Variants in ACACB observed in about 807,000 individuals in gnomAD.
ACACB encodes the protein acetyl-CoA carboxylase beta.
ACACB carries 209 observed loss-of-function variants against 278.8 expected under a neutral mutation model. The observed-to-expected ratio is 0.75, with a 90% CI of 0.67 to 0.84. The LOEUF (loss-of-function observed/expected upper bound fraction) is 0.84, where lower values mean the gene tolerates loss of function less well. Among genes scored for constraint, ACACB ranks in the 40% least tolerant of loss-of-function variants. ACACB has a pLI of 0.00. For synonymous variants in ACACB, 1,174 were observed against 1,285.6 expected, an observed-to-expected ratio of 0.91 and a Z score of 1.86; for missense variants, 2,850 against 3,269.0, an observed-to-expected ratio of 0.87 and a Z score of 3.13.
chr12:109,216,568 G>T, intron 22 of ACACB, 50 bp from the exon 23 acceptor site: 1 of 1,534,952 alleles, frequency 6.5e-7, no homozygotes, highest in East Asian at 2.3e-5. Context: ...AAATATTCAG[G>T]TACTCAAGGA....
intron 31 of ACACB, 28 bp from the exon 32 acceptor site, chr12:109,235,285 T>G (rs1222115703): frequency 1.2e-6 from 2 of 1,602,020 alleles, no homozygotes; most frequent in Non-Finnish European, 1.7e-6. Context: ...CAAATAATAT[T>G]CCATTGTGTC....
chr12:109,187,521 C>CGTA (rs1243776169), intron 12 of ACACB, among the ~76,000 whole-genome samples: 1 of 151,638 alleles, frequency 6.6e-6, no homozygotes, highest in East Asian at 1.9e-4. Flanking sequence ...AGTGCAGTGG[C>CGTA]GTAGTCATGC....
intron 12 of ACACB, among the ~76,000 whole-genome samples, chr12:109,186,524 C>T (rs1398811574): frequency 2.0e-5 from 3 of 152,048 alleles, no homozygotes; most frequent in African/African-American, 7.2e-5. Flanking sequence ...GTAGAGAGTC[C>T]CTTTGTGACT....
intron 22 of ACACB, 146 bp downstream of exon 22, chr12:109,213,082 A>G: frequency 1.6e-6 from 1 of 632,136 alleles, no homozygotes; most frequent in Non-Finnish European, 2.8e-6. Flanking sequence ...TACTAACAGC[A>G]GAACCCTGGG....
At chr12:109,190,035 TG>T (rs1372429822) in intron 13 of ACACB, among the ~76,000 whole-genome samples, 4 of 152,036 alleles carry the variant, frequency 2.6e-5, no homozygotes, top group African/African-American at 9.7e-5. Flanking sequence ...TGCTTGAACC[TG>T]GGAGATGGAG....
intron 1 of ACACB, among the ~76,000 whole-genome samples, chr12:109,121,495 C>A (rs1016623355): frequency 6.6e-6 from 1 of 152,132 alleles, no homozygotes; most frequent in African/African-American, 2.4e-5. Context: ...ATAACTACAA[C>A]CTATGATGAG....
At chr12:109,146,081 C>A (rs1404655001) in intron 2 of ACACB, among the ~76,000 whole-genome samples, 5 of 152,152 alleles carry the variant, frequency 3.3e-5, no homozygotes, top group Admixed American at 2.0e-4. Context: ...ATCTTCTAAC[C>A]GTTTGAGGTC....
intron 31 of ACACB, 107 bp from the exon 32 acceptor site, chr12:109,235,206 C>T: frequency 1.1e-6 from 1 of 922,644 alleles, no homozygotes; most frequent in Non-Finnish European, 1.8e-6. Context: ...TGACATCTTC[C>T]ACTTAGCATA....
intron 1 of ACACB, among the ~76,000 whole-genome samples, 200 bp from the exon 2 acceptor site, chr12:109,139,197 A>G (rs1312181746): frequency 6.6e-6 from 1 of 152,152 alleles, no homozygotes; most frequent in Non-Finnish European, 1.5e-5. Context: ...GAACCTTGGC[A>G]GGAAACTAAG....
intron 21 of ACACB, 23 bp downstream of exon 21, chr12:109,209,376 C>G: frequency 6.3e-7 from 1 of 1,593,764 alleles, no homozygotes; most frequent in East Asian, 2.2e-5. Context: ...CTGCCCAGCC[C>G]CACCCCACCA....
At chr12:109,174,720 A>AG (rs2044228956) in intron 7 of ACACB, among the ~76,000 whole-genome samples, 2 of 151,446 alleles carry the variant, frequency 1.3e-5, no homozygotes, top group African/African-American at 4.9e-5. Context: ...AAAAAAAAAA[A>AG]TTAACTGGTT....
At chr12:109,157,741 G>A (rs1397778944) in intron 2 of ACACB, among the ~76,000 whole-genome samples, 1 of 152,200 alleles carries the variant, frequency 6.6e-6, no homozygotes, top group Admixed American at 6.6e-5. Context: ...GGCCATCTAA[G>A]AAGCCAGAAC....
At chr12:109,124,994 A>G (rs1449629007) in intron 1 of ACACB, among the ~76,000 whole-genome samples, 1 of 152,180 alleles carries the variant, frequency 6.6e-6, no homozygotes, top group Non-Finnish European at 1.5e-5. Flanking sequence ...CATTACAGGC[A>G]TGAGCCACTG....
chr12:109,155,144 G>A (rs1284271293), intron 2 of ACACB, among the ~76,000 whole-genome samples: 1 of 152,182 alleles, frequency 6.6e-6, no homozygotes, highest in Non-Finnish European at 1.5e-5. Flanking sequence ...GGGGAGGAAG[G>A]AGGCTGGACG....
At chr12:109,127,733 G>C (rs552803238) in intron 1 of ACACB, among the ~76,000 whole-genome samples, 1 of 152,290 alleles carries the variant, frequency 6.6e-6, no homozygotes, top group Admixed American at 6.5e-5. Flanking sequence ...TGGTGTAAGG[G>C]AGCATGGTGT....
rs1185870250 is a variant in ACACB, at chr12:109,209,896, TAC to T, written c.3249+549_3249+550del. ...ACACACACGTGTGTATATATGTATA[TAC>T]ACACATACACACACGTGTGTATATA... On this transcript the variant is annotated intron_variant, in intron 21 of 52. Transcript: ENST00000338432. Among the ~76,000 whole-genome samples the T allele has an allele frequency of 3.4e-5, 4 of 116,996 alleles. 1 individual carries two copies. The highest frequency in any genetic ancestry group is 9.8e-5 in the African/African-American group (3 of 30,728). 76.8% of individuals were successfully genotyped at this position (116,996 alleles called of 152,430 possible).
At chr12:109,261,465 T>C (rs907788169) in intron 48 of ACACB, among the ~76,000 whole-genome samples, 6 of 152,168 alleles carry the variant, frequency 3.9e-5, no homozygotes, top group Non-Finnish European at 8.8e-5. Context: ...GAGTCATTGC[T>C]AACTTTTCAT....
Position 109,185,633 on chromosome 12 carries a change from G to A in ACACB, c.1873G>A (p.Glu625Lys), listed in dbSNP as rs202162559. Residue 625 changes from glutamate to lysine, a missense_variant, in exon 12 of 53, where the codon GAG (glutamate) becomes AAG (lysine). Transcript: ENST00000338432. ...RLKDIRLLYG[E>K]SPWGVTPISF... ...GAAGGATATCCGGCTTCTGTATGGAGAGTCACCATGGGGAGTGACTCCCAT... is the reference window on the plus strand; with the variant it reads ...GAAGGATATCCGGCTTCTGTATGGAAAGTCACCATGGGGAGTGACTCCCAT... 6.2e-7 allele frequency: 1 copy of A among 1,613,898 alleles called. No homozygotes were observed. The highest frequency in any genetic ancestry group is 2.2e-5 in the East Asian group (1 of 44,864).
chr12:109,237,093 C>G lies in ACACB; in HGVS notation c.4447-72C>G, dbSNP rs141967996. 644 of 1,516,528 alleles carry G rather than the reference C, an allele frequency of 4.2e-4. 6 individuals are homozygous for G. The African/African-American group carries it at 7.1e-3, about 17-fold the overall frequency. 93.9% of individuals were successfully genotyped at this position (1,516,528 alleles called of 1,614,324 possible). A position where few individuals can be genotyped will look rare whatever the true frequency, so the allele number is the denominator to read the frequency against. Reference sequence around the variant, plus strand: ...GGGGTCTGCAGAGTAGGGTGTGGACCAAGCAGGGACGCAGCTCCAACGTCA... The same window carrying G: ...GGGGTCTGCAGAGTAGGGTGTGGACGAAGCAGGGACGCAGCTCCAACGTCA... On this transcript the variant is annotated intron_variant, in intron 33 of 52. Coordinates refer to ENST00000338432, the MANE Select transcript of ACACB (RefSeq NM_001093.4).
Sources: gnomAD v4.1 joint callset for allele counts (sites outside exome capture counted in the v4.1 genomes callset) on GRCh38, gnomAD v4.1.1 for gene constraint, MANE v1.5 for transcripts, NCBI Gene and HGNC (gene_info 2026-07-23, HGNC 2026-07-21) for gene names.